Variants in ZMAT1 observed in about 807,000 individuals in gnomAD.
The protein encoded by ZMAT1 is zinc finger matrin-type protein 1.
Under a neutral mutation model 18.5 loss-of-function variants are expected in ZMAT1, and 11 were observed. The observed-to-expected ratio is 0.59, with a 90% CI of 0.37 to 0.98. The LOEUF is 0.98. Among genes scored for constraint, ZMAT1 ranks in the 50% least tolerant of loss-of-function variants. The probability of loss-of-function intolerance (pLI) is 0.01; values close to 1 mark genes in which losing one functional copy is unlikely to be tolerated. For missense variants in ZMAT1, 525 were observed against 496.2 expected, an observed-to-expected ratio of 1.06 and a Z score of -0.55; for synonymous variants, 211 against 176.4, an observed-to-expected ratio of 1.20 and a Z score of -1.55.
intron 1 of ZMAT1, 50 bp downstream of exon 1, chrX:101,931,667 A>G: frequency 1.3e-6 from 1 of 751,169 alleles, no homozygotes; most frequent in Non-Finnish European, 1.6e-6. Context: ...GGCTGAAGAG[A>G]GGCAGCGAAG....
chrX:101,917,631 G>T (rs1353238721), intron 1 of ZMAT1, among the ~76,000 whole-genome samples: 1 of 112,204 alleles, frequency 8.9e-6, no homozygotes, highest in Non-Finnish European at 1.9e-5. Context: ...CAGTTTGGAG[G>T]TTCCTCAAAA....
intron 4 of ZMAT1, among the ~76,000 whole-genome samples, chrX:101,895,353 T>G (rs1927723472): frequency 9.0e-6 from 1 of 110,876 alleles, no homozygotes; most frequent in African/African-American, 3.3e-5. Context: ...CATGAAACCA[T>G]GAGAATTCCT....
Position 101,883,486 on chromosome X carries a change from C to A in ZMAT1, c.*24G>T. The A allele has an allele frequency of 3.7e-6, 4 of 1,087,794 alleles. No homozygotes were observed. The highest frequency in any genetic ancestry group is 4.9e-6 in the Non-Finnish European group (4 of 818,032). The allele number at this position is 1,087,794 out of a possible 1,213,427, so 89.6% of individuals were successfully genotyped here. On this transcript the variant is annotated 3_prime_UTR_variant, in exon 6 of 6. Coordinates refer to ENST00000651725, the MANE Select transcript of ZMAT1 (RefSeq NM_001394560.1). ...TGACTGTTTTTTTTTTTCAATTCAA[C>A]CTTGGGTAAACAAAACTAAACATTC...
At position 101,883,466 on chromosome X, in the gene ZMAT1, G is replaced by GTTT; in HGVS notation, c.*41_*43dup. On this transcript the variant is annotated 3_prime_UTR_variant, in exon 6 of 6. Transcript: ENST00000651725. ...TCCTTTTTCTAAATCCATATTGACT[G>GTTT]TTTTTTTTTTTCAATTCAACCTTGG... The GTTT allele has an allele frequency of 1.2e-6, 1 of 836,209 alleles. No homozygotes were observed. Among genetic ancestry groups the GTTT allele is most frequent in the Non-Finnish European group, 1.6e-6 (1 of 628,319 alleles). The allele number at this position is 836,209 out of a possible 1,213,427, so 68.9% of individuals were successfully genotyped here. A position where few individuals can be genotyped will look rare whatever the true frequency, so the allele number is the denominator to read the frequency against.
intron 1 of ZMAT1, among the ~76,000 whole-genome samples, chrX:101,926,409 A>C (rs2147685435): frequency 8.9e-6 from 1 of 112,609 alleles, no homozygotes; most frequent in Admixed American, 9.4e-5. Flanking sequence ...TGCATTCAAA[A>C]GTGCAGCTGA....
At chrX:101,917,820 TGTG>T (rs1282198423) in intron 1 of ZMAT1, among the ~76,000 whole-genome samples, 3 of 112,443 alleles carry the variant, frequency 2.7e-5, no homozygotes, top group Non-Finnish European at 5.6e-5. Flanking sequence ...ATAAAGAAAA[TGTG>T]GTACATATAC....
chrX:101,928,478 C>G (rs1374347108), intron 1 of ZMAT1, among the ~76,000 whole-genome samples: 1 of 112,426 alleles, frequency 8.9e-6, no homozygotes, highest in African/African-American at 3.2e-5. Context: ...CTGCCTCAGC[C>G]TCCTGAGCAG....
chrX:101,928,117 T>C (rs1200819883), intron 1 of ZMAT1, among the ~76,000 whole-genome samples: 1 of 112,418 alleles, frequency 8.9e-6, no homozygotes, highest in Non-Finnish European at 1.9e-5. Context: ...AGATTTATAA[T>C]AAACAATGGA....
Position 101,929,423 on chromosome X carries a change from TTATATATATATATATATA to T in ZMAT1, c.292+2276_292+2293del, listed in dbSNP as rs771032732. 1.3e-4 allele frequency among the ~76,000 whole-genome samples: 9 copies of T among 71,303 alleles called. No homozygotes were observed. The East Asian group carries it at 2.4e-3, about 19-fold the overall frequency. The allele number at this position is 71,303 out of a possible 115,157, so 61.9% of individuals were successfully genotyped here. On this transcript the variant is annotated intron_variant, in intron 1 of 5. Coordinates refer to ENST00000651725, the MANE Select transcript of ZMAT1 (RefSeq NM_001394560.1). Reference sequence around the variant, plus strand: ...TATATATTCTATATATAGAGAGAGATTATATATATATATATATATATATATATATATATACACACAGAG... The same window carrying T: ...TATATATTCTATATATAGAGAGAGATTATATATATATATATACACACAGAG...
chrX:101,899,247 GA>G (rs1236448987), intron 2 of ZMAT1, among the ~76,000 whole-genome samples: 1 of 111,557 alleles, frequency 9.0e-6, no homozygotes, highest in Non-Finnish European at 1.9e-5. Context: ...AACATTTCCT[GA>G]GCACATAATG....
Position 101,910,609 on chromosome X carries a change from A to G in ZMAT1, c.293-6279T>C, listed in dbSNP as rs952514160. ...TAATTAAAAAGAATCAGGCAGAAATACTGGAGCTGAAAAATCAACTGGCAT... is the reference window on the plus strand; with the variant it reads ...TAATTAAAAAGAATCAGGCAGAAATGCTGGAGCTGAAAAATCAACTGGCAT... On this transcript the variant is annotated intron_variant, in intron 1 of 5. Transcript: ENST00000651725. Among the ~76,000 whole-genome samples the G allele has an allele frequency of 2.7e-5, 3 of 112,492 alleles. No homozygotes were observed. The Admixed American group carries it at 2.8e-4, about 11-fold the overall frequency.
intron 5 of ZMAT1, among the ~76,000 whole-genome samples, chrX:101,886,370 T>C (rs1243040158): frequency 9.0e-6 from 1 of 111,463 alleles, no homozygotes; most frequent in African/African-American, 3.3e-5. Flanking sequence ...AGTGATCCTT[T>C]AGCATCTCTC....
chrX:101,909,829 AC>A (rs1217916889), intron 1 of ZMAT1, among the ~76,000 whole-genome samples: 2 of 112,490 alleles, frequency 1.8e-5, no homozygotes, highest in African/African-American at 6.5e-5. Context: ...TTCTAGACTC[AC>A]CCAGAGATTA....
intron 4 of ZMAT1, chrX:101,894,406 A>G: frequency 1.3e-6 from 1 of 751,388 alleles, no homozygotes. Flanking sequence ...TTGGTGCTTC[A>G]TTAAATATAT....
chrX:101,929,426 TA>T (rs1569443981), intron 1 of ZMAT1, among the ~76,000 whole-genome samples: 8 of 6,639 alleles, frequency 1.2e-3, no homozygotes, highest in East Asian at 5.2e-3. Context: ...AGAGAGATTA[TA>T]TATATATATA....
At position 101,909,711 on chromosome X, in the gene ZMAT1, G is replaced by C. The variant is rs137967211; in HGVS notation, c.293-5381C>G. Among the ~76,000 whole-genome samples the C allele has an allele frequency of 2.6e-4, 29 of 112,724 alleles. No individual in the cohort carries two copies. In the East Asian group the frequency reaches 7.6e-3, roughly 29 times the overall value. ...CCTTTGGAAAGTGAAGGAAGGATAA[G>C]AAAGACTGAGTCTTGTGGTTTGAGT... On this transcript the variant is annotated intron_variant, in intron 1 of 5. Coordinates refer to ENST00000651725, the MANE Select transcript of ZMAT1 (RefSeq NM_001394560.1).
chrX:101,907,481 T>G (rs1055368538), intron 1 of ZMAT1, among the ~76,000 whole-genome samples: 1 of 112,267 alleles, frequency 8.9e-6, no homozygotes, highest in Non-Finnish European at 1.9e-5. Context: ...TTGGAATAAG[T>G]CCTTACGTTT....
chrX:101,890,794 T>C (rs747761783), intron 4 of ZMAT1, among the ~76,000 whole-genome samples: 1 of 111,310 alleles, frequency 9.0e-6, no homozygotes, highest in Non-Finnish European at 1.9e-5. Flanking sequence ...GATGAATAGT[T>C]AACCTGAAAA....
chrX:101,928,688 T>C (rs1408497588), intron 1 of ZMAT1, among the ~76,000 whole-genome samples: 1 of 112,863 alleles, frequency 8.9e-6, no homozygotes, highest in African/African-American at 3.2e-5. Flanking sequence ...GTGGTCTTAC[T>C]ATCATTTGAC....
Sources: gnomAD v4.1 joint callset for allele counts (sites outside exome capture counted in the v4.1 genomes callset) on GRCh38, gnomAD v4.1.1 for gene constraint, MANE v1.5 for transcripts, NCBI Gene and HGNC (gene_info 2026-07-23, HGNC 2026-07-21) for gene names.